TUSC3: variants seen among roughly 807,000 people sequenced by gnomAD.
TUSC3 encodes tumor suppressor candidate 3.
In TUSC3, 45 loss-of-function variants were observed where a neutral mutation model predicts 44.8. The observed-to-expected ratio is 1.00, with a 90% CI of 0.79 to 1.29. The LOEUF (loss-of-function observed/expected upper bound fraction) is 1.29, where lower values mean the gene tolerates loss of function less well. Among genes scored for constraint, TUSC3 ranks in the 50% most tolerant of loss-of-function variants. The pLI, the probability that TUSC3 is intolerant of heterozygous loss-of-function variation, is 0.00. For synonymous variants in TUSC3, 212 were observed against 152.9 expected (o/e 1.39, Z -2.85); for missense variants, 519 against 437.9 (o/e 1.19, Z -1.65).
chr8:15,720,146 A>G (rs1182784336), intron 6 of TUSC3, among the ~76,000 whole-genome samples: 1 of 151,390 alleles, frequency 6.6e-6, no homozygotes, highest in African/African-American at 2.4e-5. Flanking sequence ...GCCAAAAAGT[A>G]TTTATAGTAG....
chr8:15,764,117 T>C, intron 10 of TUSC3, 86 bp from the exon 11 acceptor site: 1 of 1,271,584 alleles, frequency 7.9e-7, no homozygotes, highest in Non-Finnish European at 1.1e-6. Context: ...TATATTTACA[T>C]GTGCTAATTT....
intron 1 of TUSC3, among the ~76,000 whole-genome samples, chr8:15,571,510 G>T (rs1802877537): frequency 6.6e-6 from 1 of 152,090 alleles, no homozygotes; most frequent in South Asian, 2.1e-4. Context: ...TAAAAAATAT[G>T]ATCTTCTGAG....
At chr8:15,589,647 T>C (rs535822219) in intron 1 of TUSC3, among the ~76,000 whole-genome samples, 9 of 152,164 alleles carry the variant, frequency 5.9e-5, no homozygotes, top group Admixed American at 5.9e-4. Context: ...CTATATTAAT[T>C]AGGTTCTTAA....
intron 7 of TUSC3, among the ~76,000 whole-genome samples, chr8:15,734,335 A>G: frequency 6.6e-6 from 1 of 152,208 alleles, no homozygotes; most frequent in Non-Finnish European, 1.5e-5. Context: ...ATCATAGGTT[A>G]TAGATTTATA....
intron 9 of TUSC3, among the ~76,000 whole-genome samples, chr8:15,749,399 T>C (rs1811591969): frequency 6.6e-6 from 1 of 152,104 alleles, no homozygotes; most frequent in Non-Finnish European, 1.5e-5. Flanking sequence ...GATCTGACTT[T>C]GGGATTATAA....
intron 2 of TUSC3, among the ~76,000 whole-genome samples, chr8:15,493,191 C>T (rs1482205721): frequency 2.0e-5 from 3 of 152,096 alleles, no homozygotes; most frequent in Non-Finnish European, 4.4e-5. Flanking sequence ...CCAAAAATTC[C>T]ACCCTGGTCT....
intron 6 of TUSC3, among the ~76,000 whole-genome samples, chr8:15,679,893 G>A (rs952848807): frequency 6.6e-6 from 1 of 152,052 alleles, no homozygotes; most frequent in African/African-American, 2.4e-5. Context: ...TCAGGTGGTT[G>A]TAGATGTGTA....
chr8:15,624,612 A>G (rs1327355563), intron 2 of TUSC3, among the ~76,000 whole-genome samples: 1 of 152,170 alleles, frequency 6.6e-6, no homozygotes, highest in East Asian at 1.9e-4. Flanking sequence ...ATCATCTTTA[A>G]TGAAGTATCT....
chr8:15,782,478 C>G, the TUSC3 span, among the ~76,000 whole-genome samples: 1 of 151,892 alleles, frequency 6.6e-6, no homozygotes, highest in Non-Finnish European at 1.5e-5. Flanking sequence ...GACCCTGTCT[C>G]AAGAATAAAA....
intron 1 of TUSC3, among the ~76,000 whole-genome samples, chr8:15,552,343 T>G (rs1802086921): frequency 6.6e-6 from 1 of 151,692 alleles, no homozygotes; most frequent in African/African-American, 2.4e-5. Flanking sequence ...CAGTGCTGGA[T>G]TTTGAAGGTA....
chr8:15,504,596 T>G (rs1474928425), intron 2 of TUSC3, among the ~76,000 whole-genome samples: 3 of 21,706 alleles, frequency 1.4e-4, no homozygotes, highest in African/African-American at 2.0e-4. Flanking sequence ...TATATATATA[T>G]ATATATATAT....
intron 9 of TUSC3, among the ~76,000 whole-genome samples, chr8:15,753,932 A>T (rs1811814046): frequency 6.6e-6 from 1 of 152,060 alleles, no homozygotes; most frequent in South Asian, 2.1e-4. Flanking sequence ...GGAGAAGAAG[A>T]AATAATTCTG....
intron 1 of TUSC3, among the ~76,000 whole-genome samples, chr8:15,453,146 A>G (rs1800215369): frequency 6.6e-6 from 1 of 152,156 alleles, no homozygotes; most frequent in African/African-American, 2.4e-5. Flanking sequence ...AGGCCAACAC[A>G]CAGCTTATAC....
chr8:15,538,832 T>C (rs1057111142), upstream of TUSC3, among the ~76,000 whole-genome samples: 1 of 151,450 alleles, frequency 6.6e-6, no homozygotes, highest in Admixed American at 6.6e-5. Flanking sequence ...TTAAGTATTA[T>C]ATATATAATA....
intron 5 of TUSC3, among the ~76,000 whole-genome samples, chr8:15,673,115 G>T (rs1407338410): frequency 6.6e-6 from 1 of 152,004 alleles, no homozygotes; most frequent in Admixed American, 6.6e-5. Context: ...CACCCTCTCT[G>T]CAATACCTTG....
At chr8:15,719,495 TCACACACA>T (rs60355164) in intron 6 of TUSC3, among the ~76,000 whole-genome samples, 1 of 145,224 alleles carries the variant, frequency 6.9e-6, no homozygotes, top group South Asian at 2.3e-4. Flanking sequence ...ATACAGTTCA[TCACACACA>T]CACACACACA....
At chr8:15,635,963 G>C (rs1039209590) in intron 2 of TUSC3, among the ~76,000 whole-genome samples, 4 of 152,196 alleles carry the variant, frequency 2.6e-5, no homozygotes, top group South Asian at 2.1e-4. Context: ...TCAAAAGATA[G>C]ATGTTTCAAA....
intron 1 of TUSC3, among the ~76,000 whole-genome samples, chr8:15,602,501 G>T (rs1396542081): frequency 6.6e-6 from 1 of 151,486 alleles, no homozygotes; most frequent in Non-Finnish European, 1.5e-5. Context: ...ATTTCTCTTG[G>T]TGGAAGGAGG....
chr8:15,764,306 T>G lies in TUSC3; in HGVS notation c.*150T>G. On this transcript the variant is annotated 3_prime_UTR_variant, in exon 11 of 11. Coordinates refer to ENST00000503731, the MANE Select transcript of TUSC3 (RefSeq NM_006765.4). ...ACTATTTTGAATTCATTCATTTCAT[T>G]GTGATCAGCTAGCTTATTCTTGTGT... 1.4e-6 allele frequency: 2 copies of G among 1,384,032 alleles called. No individual in the cohort carries two copies. Among genetic ancestry groups the G allele is most frequent in the South Asian group, 2.4e-5 (2 of 82,680 alleles). The allele number at this position is 1,384,032 out of a possible 1,614,324, so 85.7% of individuals were successfully genotyped here. A position where few individuals can be genotyped will look rare whatever the true frequency, so the allele number is the denominator to read the frequency against.
Sources: gnomAD v4.1 joint callset for allele counts (sites outside exome capture counted in the v4.1 genomes callset) on GRCh38, gnomAD v4.1.1 for gene constraint, MANE v1.5 for transcripts, NCBI Gene and HGNC (gene_info 2026-07-23, HGNC 2026-07-21) for gene names.